Variants in OR51B5 observed in about 807,000 individuals in gnomAD.
OR51B5 encodes olfactory receptor family 51 subfamily B member 5.
For missense variants in OR51B5, 456 were observed against 374.6 expected (o/e 1.22, Z -1.79); for synonymous variants, 186 against 144.8 (o/e 1.28, Z -2.04).
chr11:5,392,057 A>T (rs6578629), intron 1 of OR51B5: 146,913 of 152,258 alleles, frequency 0.96, 71,278 homozygotes, highest in African/African-American at 0.99. Context: ...TGAGACCCCG[A>T]TTCAAAAATA....
rs1846344678 is a variant in OR51B5, at chr11:5,504,438, C to A, written n.84+1131G>T. 4.6e-5 allele frequency among the ~76,000 whole-genome samples: 7 copies of A among 152,286 alleles called. No individual in the cohort carries two copies. In the South Asian group the frequency reaches 1.4e-3, roughly 32 times the overall value. ...CATGACCAAAACTCTGTGACTCTAT[C>A]TTCTCTTCGCCACCTGTGTAACCCC... On this transcript the variant is annotated intron_variant and non_coding_transcript_variant, in intron 1 of 4. Coordinates refer to the OR51B5 transcript ENST00000415970.
intron 1 of OR51B5, chr11:5,441,434 G>C (rs752709848): frequency 1.9e-6 from 3 of 1,613,830 alleles, no homozygotes; most frequent in Non-Finnish European, 2.5e-6. Flanking sequence ...GGGCAACCCA[G>C]GTGAGGCCTG....
chr11:5,376,782 G>C (rs974431202), intron 1 of OR51B5, among the ~76,000 whole-genome samples: 15 of 151,578 alleles, frequency 9.9e-5, no homozygotes, highest in East Asian at 1.9e-4. Flanking sequence ...TCTCTGAATA[G>C]ACCAATAACA....
At chr11:5,459,986 T>C (rs1851024073) in intron 1 of OR51B5, among the ~76,000 whole-genome samples, 1 of 152,118 alleles carries the variant, frequency 6.6e-6, no homozygotes, top group Admixed American at 6.5e-5. Flanking sequence ...CAAATGCCCA[T>C]CAATGGTATA....
At chr11:5,502,272 C>T (rs946155549) in intron 1 of OR51B5, among the ~76,000 whole-genome samples, 8 of 152,186 alleles carry the variant, frequency 5.3e-5, no homozygotes, top group Non-Finnish European at 8.8e-5. Flanking sequence ...CTTGCACTCA[C>T]CTGTCTTTCC....
chr11:5,443,287 A>G (rs1392786805), intron 1 of OR51B5, among the ~76,000 whole-genome samples: 4 of 152,184 alleles, frequency 2.6e-5, no homozygotes, highest in African/African-American at 4.8e-5. Flanking sequence ...GTGCTGGATC[A>G]TATCGAGATA....
intron 1 of OR51B5, among the ~76,000 whole-genome samples, chr11:5,352,752 A>T (rs1849119225): frequency 6.6e-6 from 1 of 150,948 alleles, no homozygotes; most frequent in Non-Finnish European, 1.5e-5. Context: ...ACATACATAC[A>T]TACTTACACA....
intron 1 of OR51B5, among the ~76,000 whole-genome samples, chr11:5,443,845 A>G (rs1850727423): frequency 1.3e-5 from 2 of 151,846 alleles, no homozygotes; most frequent in South Asian, 4.1e-4. Flanking sequence ...GACACAAGCA[A>G]TGCACAGAAT....
At chr11:5,437,160 C>T (rs1850605857) in intron 1 of OR51B5, among the ~76,000 whole-genome samples, 1 of 152,078 alleles carries the variant, frequency 6.6e-6, no homozygotes, top group Non-Finnish European at 1.5e-5. Context: ...AATTTCAACT[C>T]CTTCCTTATA....
At chr11:5,490,518 G>T (rs1187096257) in intron 1 of OR51B5, among the ~76,000 whole-genome samples, 1 of 152,012 alleles carries the variant, frequency 6.6e-6, no homozygotes, top group African/African-American at 2.4e-5. Flanking sequence ...AGAATTCAGG[G>T]GAGCCAGCCC....
intron 1 of OR51B5, among the ~76,000 whole-genome samples, chr11:5,496,737 A>G (rs1461161710): frequency 6.6e-6 from 1 of 152,192 alleles, no homozygotes; most frequent in East Asian, 1.9e-4. Context: ...CCCCCATCAT[A>G]GGGTCATGGG....
At chr11:5,375,928 C>T (rs1175075910) in intron 1 of OR51B5, among the ~76,000 whole-genome samples, 2 of 151,976 alleles carry the variant, frequency 1.3e-5, no homozygotes, top group African/African-American at 2.4e-5. Context: ...CAAGGATATC[C>T]AGGAATTGAA....
intron 1 of OR51B5, among the ~76,000 whole-genome samples, chr11:5,433,257 G>A (rs1160893572): frequency 6.6e-6 from 1 of 151,900 alleles, no homozygotes; most frequent in Non-Finnish European, 1.5e-5. Flanking sequence ...GAGAGAAATA[G>A]CTAATCCCAG....
exon 1 of OR51B5, chr11:5,343,207 G>C (rs780862846): frequency 1.2e-5 from 19 of 1,613,670 alleles, no homozygotes; most frequent in Non-Finnish European, 1.6e-5. Context: ...ACTCGAGAAA[G>C]GAAAGTGAGT....
chr11:5,345,955 ATTC>A (rs1036970121), upstream of OR51B5: 11 of 151,894 alleles, frequency 7.2e-5, no homozygotes, highest in African/African-American at 2.7e-4. Context: ...AGTGATGTAT[ATTC>A]TTCAGTTACT....
intron 1 of OR51B5, among the ~76,000 whole-genome samples, chr11:5,364,629 T>G (rs1415760195): frequency 6.6e-6 from 1 of 151,856 alleles, no homozygotes; most frequent in Non-Finnish European, 1.5e-5. Context: ...TCTCTTCCTC[T>G]TCTCACTCCA....
intron 1 of OR51B5, among the ~76,000 whole-genome samples, chr11:5,352,837 T>G (rs1792834849): frequency 1.8e-5 from 2 of 108,354 alleles, no homozygotes; most frequent in South Asian, 5.8e-4. Flanking sequence ...CACTATTATA[T>G]ATACTTAATA....
At chr11:5,458,508 T>C (rs1004036436) in intron 1 of OR51B5, among the ~76,000 whole-genome samples, 5 of 152,214 alleles carry the variant, frequency 3.3e-5, no homozygotes, top group African/African-American at 1.2e-4. Flanking sequence ...TGTTGGTAGT[T>C]TGATAGGAAT....
chr11:5,464,982 G>A (rs570845112), intron 1 of OR51B5, among the ~76,000 whole-genome samples: 69 of 152,146 alleles, frequency 4.5e-4, no homozygotes, highest in Middle Eastern at 6.8e-3. Context: ...CGAGGCGGGC[G>A]GATCGCGAGG....
Sources: allele counts gnomAD v4.1 joint callset (sites outside exome capture counted in the v4.1 genomes callset), GRCh38; gene constraint gnomAD v4.1.1; transcripts MANE v1.5; gene names NCBI Gene and HGNC (gene_info 2026-07-23, HGNC 2026-07-21).